SDCCAG8: variants seen among roughly 807,000 people sequenced by gnomAD.
The protein encoded by SDCCAG8 is SHH signaling and ciliogenesis regulator SDCCAG8.
A neutral mutation model predicts 101.8 loss-of-function variants in SDCCAG8; 74 were observed. That is an observed-to-expected ratio of 0.73 (90% CI 0.60 to 0.88). SDCCAG8 has a LOEUF of 0.88. Ranked by LOEUF, SDCCAG8 falls within the 40% of genes least tolerant of loss-of-function variation. The pLI is 0.00. For missense variants in SDCCAG8, 787 were observed against 822.6 expected (o/e 0.96, Z 0.53); for synonymous variants, 281 against 292.9 (o/e 0.96, Z 0.41).
intron 15 of SDCCAG8, among the ~76,000 whole-genome samples, chr1:243,423,277 G>T (rs2081132366): frequency 6.6e-6 from 1 of 152,094 alleles, no homozygotes; most frequent in Non-Finnish European, 1.5e-5. Context: ...AAAATACAAA[G>T]AAGAATTAAG....
chr1:243,285,772 C>T (rs1252622223), intron 4 of SDCCAG8, among the ~76,000 whole-genome samples: 2 of 152,158 alleles, frequency 1.3e-5, no homozygotes, highest in Non-Finnish European at 2.9e-5. Context: ...TACTCTTTCA[C>T]AATTCTCCAT....
At chr1:243,327,183 A>C (rs1285619746) in intron 9 of SDCCAG8, among the ~76,000 whole-genome samples, 1 of 152,026 alleles carries the variant, frequency 6.6e-6, no homozygotes, top group Non-Finnish European at 1.5e-5. Flanking sequence ...TAACAGCCGC[A>C]GGCCCCAAAT....
intron 6 of SDCCAG8, among the ~76,000 whole-genome samples, chr1:243,294,492 A>AAAGAGC (rs2070619804): frequency 7.4e-6 from 1 of 134,556 alleles, no homozygotes; most frequent in East Asian, 2.5e-4. Context: ...GGAGAGAGAG[A>AAAGAGC]GAGAGAGAAA....
At chr1:243,398,929 T>C (rs912397061) in intron 13 of SDCCAG8, among the ~76,000 whole-genome samples, 3 of 152,266 alleles carry the variant, frequency 2.0e-5, no homozygotes, top group Non-Finnish European at 2.9e-5. Flanking sequence ...TCAACATTTA[T>C]TGAGCACATG....
At position 243,286,353 on chromosome 1, in the gene SDCCAG8, A is replaced by G; in HGVS notation, c.502A>G (p.Arg168Gly). 6.2e-7 allele frequency: 1 copy of G among 1,614,024 alleles called. No homozygotes were observed. The highest frequency in any genetic ancestry group is 8.5e-7 in the Non-Finnish European group (1 of 1,179,880). ...EGLQQQLKSQ[R>G]QEETLREQTL... ...GCTCCAGCAACAGCTAAAATCTCAA[A>G]GACAAGAGGAGACACTGAGGGAACA... Residue 168 changes from arginine to glycine, a missense_variant, in exon 5 of 18, where the codon AGA becomes GGA. Arg to Gly is a moderately radical substitution (Grantham distance 125). Coordinates refer to ENST00000366541, the MANE Select transcript of SDCCAG8 (RefSeq NM_006642.5).
At chr1:243,392,939 T>C (rs1166578725) in intron 13 of SDCCAG8, among the ~76,000 whole-genome samples, 1 of 152,008 alleles carries the variant, frequency 6.6e-6, no homozygotes, top group African/African-American at 2.4e-5. Flanking sequence ...TTAAAGAAAA[T>C]GAAATGGGCA....
intron 13 of SDCCAG8, among the ~76,000 whole-genome samples, chr1:243,392,760 CAT>C (rs747205980): frequency 3.3e-5 from 5 of 152,174 alleles, no homozygotes; most frequent in Non-Finnish European, 7.3e-5. Flanking sequence ...GATGCCGTTT[CAT>C]ATGTTTGCTT....
At chr1:243,442,363 G>A (rs2082596044) in intron 16 of SDCCAG8, among the ~76,000 whole-genome samples, 1 of 152,260 alleles carries the variant, frequency 6.6e-6, no homozygotes, top group Non-Finnish European at 1.5e-5. Context: ...AAGAATGGAG[G>A]AGATTTGTTT....
At chr1:243,395,926 G>C (rs919113380) in intron 13 of SDCCAG8, among the ~76,000 whole-genome samples, 26 of 151,804 alleles carry the variant, frequency 1.7e-4, no homozygotes, top group Non-Finnish European at 3.1e-4. Flanking sequence ...GATTTTACTT[G>C]ATACAAGCAT....
At chr1:243,269,460 G>A (rs900103562) in intron 1 of SDCCAG8, among the ~76,000 whole-genome samples, 8 of 152,012 alleles carry the variant, frequency 5.3e-5, no homozygotes, top group African/African-American at 1.9e-4. Context: ...CAGTTTTTGT[G>A]TGTTCTAGGG....
At chr1:243,446,073 C>T (rs749343850) in intron 16 of SDCCAG8, among the ~76,000 whole-genome samples, 2 of 151,974 alleles carry the variant, frequency 1.3e-5, no homozygotes, top group Non-Finnish European at 2.9e-5. Flanking sequence ...CTGAGTGTGC[C>T]GTGGACATCA....
intron 13 of SDCCAG8, among the ~76,000 whole-genome samples, chr1:243,390,642 C>T (rs1413972523): frequency 9.9e-5 from 15 of 152,208 alleles, no homozygotes; most frequent in Non-Finnish European, 1.9e-4. Flanking sequence ...GGGATGCACT[C>T]ATCTCCCCTG....
chr1:243,483,359 T>G (rs1381632968), intron 16 of SDCCAG8, among the ~76,000 whole-genome samples: 1 of 152,036 alleles, frequency 6.6e-6, no homozygotes, highest in African/African-American at 2.4e-5. Flanking sequence ...GCCCTCTACG[T>G]GGGGGATCCT....
In SDCCAG8 at chr1:243,416,459, C is replaced by A. The variant is rs923502144; in HGVS notation, c.1744+630C>A. ...CATTTGTATGATTTCCCCACCTCCC[C>A]CAACCCAATCTAGAGTGATGTTTAA... On this transcript the variant is annotated intron_variant, in intron 14 of 17. Transcript: ENST00000366541. This position sits in a 1 kb window ranked among gnomAD's most constrained non-coding sequence, Gnocchi z 4.3. 7.2e-5 allele frequency among the ~76,000 whole-genome samples: 11 copies of A among 152,202 alleles called. No homozygotes were observed. The highest frequency in any genetic ancestry group is 5.9e-4 in the Admixed American group (9 of 15,270).
At chr1:243,364,594 T>C (rs1037141256) in intron 12 of SDCCAG8, among the ~76,000 whole-genome samples, 4 of 152,186 alleles carry the variant, frequency 2.6e-5, no homozygotes, top group African/African-American at 9.7e-5. Context: ...TGGTCTGAAC[T>C]ATTAAGTGAT....
At chr1:243,400,761 A>T (rs2079337342) in intron 13 of SDCCAG8, among the ~76,000 whole-genome samples, 1 of 152,132 alleles carries the variant, frequency 6.6e-6, no homozygotes, top group African/African-American at 2.4e-5. Context: ...TTAAAGCATG[A>T]CTCTGAATGA....
At chr1:243,281,608 T>C (rs1052338658) in intron 4 of SDCCAG8, among the ~76,000 whole-genome samples, 1 of 151,926 alleles carries the variant, frequency 6.6e-6, no homozygotes, top group Non-Finnish European at 1.5e-5. Context: ...CTTTATTTTT[T>C]GTTTCTTTAA....
intron 10 of SDCCAG8, among the ~76,000 whole-genome samples, chr1:243,339,887 C>A (rs528637788): frequency 1.1e-4 from 17 of 152,250 alleles, no homozygotes; most frequent in Admixed American, 7.2e-4. Context: ...CTTGTTTTAA[C>A]AGATAAAAAT....
chr1:243,302,063 C>T (rs2071566586), intron 6 of SDCCAG8, among the ~76,000 whole-genome samples: 1 of 152,046 alleles, frequency 6.6e-6, no homozygotes, highest in African/African-American at 2.4e-5. Context: ...GCTTGGCCAA[C>T]ATGGAGAAAC....
Sources: allele counts gnomAD v4.1 joint callset (sites outside exome capture counted in the v4.1 genomes callset), GRCh38; gene constraint gnomAD v4.1.1; non-coding constraint Gnocchi (gnomAD v3.1); transcripts MANE v1.5; gene names NCBI Gene and HGNC (gene_info 2026-07-23, HGNC 2026-07-21).